Variants in SLC39A8 observed in about 807,000 individuals in gnomAD.
SLC39A8 encodes solute carrier family 39 member 8, also known as metal cation symporter ZIP8.
Under a neutral mutation model 40.4 loss-of-function variants are expected in SLC39A8, and 15 were observed. The observed-to-expected ratio is 0.37, with a 90% CI of 0.25 to 0.57. The LOEUF is 0.57. SLC39A8 is among the 20% of genes least tolerant of loss of function. SLC39A8 has a pLI of 0.75. For missense variants in SLC39A8, 472 were observed against 558.8 expected (o/e 0.84, Z 1.57); for synonymous variants, 223 against 221.6 (o/e 1.01, Z -0.06).
chr4:102,314,932 C>G lies in SLC39A8; in HGVS notation c.382+736G>C, dbSNP rs1734592745. Among the ~76,000 whole-genome samples the G allele has an allele frequency of 2.0e-5, 3 of 152,094 alleles. No individual in the cohort carries two copies. The South Asian group carries it at 6.2e-4, about 31-fold the overall frequency. Reference sequence around the variant, plus strand: ...TGACTCCTTAGTGCACAGAACAATACTTGGTATGTCGTTCAATAAATATTT... The same window carrying G: ...TGACTCCTTAGTGCACAGAACAATAGTTGGTATGTCGTTCAATAAATATTT... On this transcript the variant is annotated intron_variant, in intron 3 of 8. Transcript: ENST00000356736.
intron 3 of SLC39A8, among the ~76,000 whole-genome samples, chr4:102,309,190 C>T (rs558940982): frequency 7.2e-5 from 11 of 152,096 alleles, no homozygotes; most frequent in Non-Finnish European, 1.5e-4. Flanking sequence ...GCCTAGATGA[C>T]GTGGACCAAA....
chr4:102,342,164 T>C (rs548145586), intron 2 of SLC39A8, among the ~76,000 whole-genome samples: 2 of 152,230 alleles, frequency 1.3e-5, no homozygotes, highest in Non-Finnish European at 2.9e-5. Context: ...TGGTATTTCA[T>C]TTGTCATCAT....
chr4:102,301,749 T>G (rs1415620806), intron 6 of SLC39A8, among the ~76,000 whole-genome samples: 1 of 152,084 alleles, frequency 6.6e-6, no homozygotes, highest in African/African-American at 2.4e-5. Flanking sequence ...CAAACATGTC[T>G]TCTGCCCATA....
chr4:102,327,892 C>T (rs189346079), intron 2 of SLC39A8, among the ~76,000 whole-genome samples: 1 of 152,152 alleles, frequency 6.6e-6, no homozygotes, highest in Non-Finnish European at 1.5e-5. Flanking sequence ...AATATTCCAG[C>T]CATAAGTTTT....
intron 6 of SLC39A8, among the ~76,000 whole-genome samples, chr4:102,277,752 T>A (rs1381185161): frequency 6.6e-6 from 1 of 152,220 alleles, no homozygotes; most frequent in Non-Finnish European, 1.5e-5. Flanking sequence ...AAGGCTACAG[T>A]AACCAAGACA....
At chr4:102,259,529 T>G (rs182788021), downstream of SLC39A8, 1 of 1,527,498 alleles carries the variant, frequency 6.5e-7, no homozygotes, top group Non-Finnish European at 8.9e-7. Context: ...AAGAATCAGA[T>G]AACAAACTGG....
At chr4:102,253,178 G>A (rs1433478939) in exon 12 of SLC39A8, 8 of 373,674 alleles carry the variant, frequency 2.1e-5, no homozygotes, top group African/African-American at 4.2e-5. Context: ...CGGGGAGGGC[G>A]GCGGGGAACA....
chr4:102,315,461 A>T (rs1026368670), intron 3 of SLC39A8, among the ~76,000 whole-genome samples: 1 of 152,190 alleles, frequency 6.6e-6, no homozygotes, highest in Admixed American at 6.5e-5. Context: ...TGTAATTTTG[A>T]TTCAACAAAG....
At position 102,340,912 on chromosome 4, in the gene SLC39A8, G is replaced by C. The variant is rs538835453; in HGVS notation, c.219+3532C>G. Among the ~76,000 whole-genome samples the C allele has an allele frequency of 2.6e-5, 4 of 152,324 alleles. No homozygotes were observed. The East Asian group carries it at 7.7e-4, about 29-fold the overall frequency. On this transcript the variant is annotated intron_variant, in intron 2 of 8. Transcript: ENST00000356736. The stretch of plus-strand genomic sequence containing the variant: ...AACATTTCAGTCAAAGGCAGGAAAG[G>C]TCCAAGGAAGATAATGAGTTAAGAA...
intron 2 of SLC39A8, among the ~76,000 whole-genome samples, chr4:102,342,075 T>C (rs926722969): frequency 6.6e-6 from 1 of 152,202 alleles, no homozygotes. Context: ...CAGAATTGGG[T>C]GGTTTCACAC....
At chr4:102,316,443 G>A (rs1423001473) in intron 2 of SLC39A8, among the ~76,000 whole-genome samples, 1 of 152,004 alleles carries the variant, frequency 6.6e-6, no homozygotes, top group African/African-American at 2.4e-5. Flanking sequence ...AATAGTGCTG[G>A]GCTGTTTAGA....
chr4:102,263,926 T>G (rs143126116), intron 8 of SLC39A8, among the ~76,000 whole-genome samples: 1 of 152,304 alleles, frequency 6.6e-6, no homozygotes, highest in Non-Finnish European at 1.5e-5. Context: ...AGTCTCCACT[T>G]CTCATTCTAG....
chr4:102,282,932 T>G (rs1254673442), intron 6 of SLC39A8, among the ~76,000 whole-genome samples: 2 of 152,136 alleles, frequency 1.3e-5, no homozygotes, highest in Non-Finnish European at 2.9e-5. Flanking sequence ...TTCACCGTGT[T>G]AGCCGGGATG....
chr4:102,258,442 A>G (rs1002273038), downstream of SLC39A8, among the ~76,000 whole-genome samples: 2 of 152,180 alleles, frequency 1.3e-5, no homozygotes, highest in Admixed American at 6.5e-5. Context: ...AGGACTTTGG[A>G]GGGAATATAA....
Position 102,267,511 on chromosome 4 carries a change from G to C in SLC39A8, c.1212C>G (p.Leu404=). 12 of 1,607,104 alleles carry C rather than the reference G, an allele frequency of 7.5e-6. No individual in the cohort carries two copies. Among genetic ancestry groups the C allele is most frequent in the Non-Finnish European group, 1.0e-5 (12 of 1,178,160 alleles). ...IIFALAGGMF[L]YISLADMFPE... ...TTACCATATCTGCCAGAGAAATATA[G>C]AGGAACATGCCTCCAGCAAGTGCAA... The change falls in exon 8 of 9, where the codon CTC becomes CTG. Residue 404 remains leucine, a synonymous_variant. Transcript: ENST00000356736.
At chr4:102,315,359 G>A (rs1734608805) in intron 3 of SLC39A8, among the ~76,000 whole-genome samples, 1 of 152,048 alleles carries the variant, frequency 6.6e-6, no homozygotes, top group South Asian at 2.1e-4. Flanking sequence ...TCAATTATAA[G>A]CCAAAGAAAA....
downstream of SLC39A8, chr4:102,261,594 T>A: frequency 3.2e-6 from 2 of 620,832 alleles, no homozygotes; most frequent in Non-Finnish European, 4.0e-6. Context: ...TATTTATATC[T>A]CTCCCCCATA....
chr4:102,312,686 C>T (rs1040637723), intron 3 of SLC39A8, among the ~76,000 whole-genome samples: 1 of 152,038 alleles, frequency 6.6e-6, no homozygotes, highest in Non-Finnish European at 1.5e-5. Flanking sequence ...ATTTAACAGA[C>T]CTAACTAACA....
chr4:102,277,218 A>G (rs6826943), intron 6 of SLC39A8, among the ~76,000 whole-genome samples: 7,225 of 152,308 alleles, frequency 0.047, 563 homozygotes, highest in African/African-American at 0.16. Context: ...TGCAGATGAC[A>G]TGATTATATA....
Sources: gnomAD v4.1 joint callset for allele counts (sites outside exome capture counted in the v4.1 genomes callset) on GRCh38, gnomAD v4.1.1 for gene constraint, MANE v1.5 for transcripts, NCBI Gene and HGNC (gene_info 2026-07-23, HGNC 2026-07-21) for gene names.